The following RBM34 variants were observed in gnomAD, a reference collection of about 807,000 sequenced individuals.
RBM34 encodes RNA binding motif protein 34.
Under a neutral mutation model 44.6 loss-of-function variants are expected in RBM34, and 39 were observed. The observed-to-expected ratio is 0.87, with a 90% confidence interval of 0.68 to 1.14. The LOEUF (loss-of-function observed/expected upper bound fraction) is 1.14, where lower values mean the gene tolerates loss of function less well. Ranked by LOEUF, RBM34 falls within the 50% of genes most tolerant of loss-of-function variation. The pLI is 0.00. For synonymous variants in RBM34, 194 were observed against 184.0 expected (o/e 1.05, Z -0.44); for missense variants, 572 against 517.9 (o/e 1.10, Z -1.01).
chr1:235,140,850 T>C (rs1233659442), intron 6 of RBM34, among the ~76,000 whole-genome samples: 3 of 152,036 alleles, frequency 2.0e-5, no homozygotes, highest in African/African-American at 7.3e-5. Flanking sequence ...GGTCTGTGAA[T>C]GCACCAATCG....
At chr1:235,143,428 C>G (rs1558141750) in intron 6 of RBM34, among the ~76,000 whole-genome samples, 1 of 152,152 alleles carries the variant, frequency 6.6e-6, no homozygotes, top group Non-Finnish European at 1.5e-5. Flanking sequence ...CTGAAATAAC[C>G]TGAATGTTCA....
intron 4 of RBM34, among the ~76,000 whole-genome samples, chr1:235,154,107 G>A (rs904611599): frequency 2.2e-4 from 33 of 152,016 alleles, no homozygotes; most frequent in African/African-American, 6.0e-4. Context: ...TTAGCTGGGC[G>A]TGGTGGCGGG....
chr1:235,141,188 G>A (rs1661669435), intron 6 of RBM34, among the ~76,000 whole-genome samples: 1 of 151,332 alleles, frequency 6.6e-6, no homozygotes, highest in African/African-American at 2.4e-5. Flanking sequence ...TCGACACTCT[G>A]TATCTAGCTG....
intron 6 of RBM34, among the ~76,000 whole-genome samples, chr1:235,142,180 G>T (rs1661711423): frequency 1.3e-5 from 2 of 152,182 alleles, no homozygotes; most frequent in South Asian, 4.1e-4. Context: ...AAAAAGCCCT[G>T]ATCAGGTGCA....
At chr1:235,137,001 G>A (rs888789115) in intron 8 of RBM34, among the ~76,000 whole-genome samples, 1 of 151,626 alleles carries the variant, frequency 6.6e-6, no homozygotes, top group Non-Finnish European at 1.5e-5. Flanking sequence ...TTTTCCCCCC[G>A]CTTCTCCACA....
At chr1:235,151,179 A>C (rs1404303424) in intron 5 of RBM34, among the ~76,000 whole-genome samples, 1 of 152,192 alleles carries the variant, frequency 6.6e-6, no homozygotes, top group Non-Finnish European at 1.5e-5. Context: ...ACAGTTGAAA[A>C]ACGGACAGGA....
In RBM34 at chr1:235,154,847, A is replaced by C. The variant is rs1037580542; in HGVS notation, c.597+34T>G. 10 of 1,525,048 alleles carry C rather than the reference A, an allele frequency of 6.6e-6. No individual in the cohort carries two copies. The African/African-American group carries it at 1.2e-4, about 19-fold the overall frequency. The allele number at this position is 1,525,048 out of a possible 1,614,324, so 94.5% of individuals were successfully genotyped here. ...TCAACACAGGAAGAACAAAGTTATT[A>C]ACTTCTCTGAACTTTTACCATATAC... On this transcript the variant is annotated intron_variant, in intron 4 of 10. Transcript: ENST00000408888.
intron 4 of RBM34, among the ~76,000 whole-genome samples, chr1:235,154,621 A>C (rs1662315740): frequency 1.3e-5 from 2 of 152,202 alleles, no homozygotes. Flanking sequence ...TTCTAGTGGC[A>C]TATAACAGGA....
chr1:235,136,363 T>G (rs920451050), intron 8 of RBM34, among the ~76,000 whole-genome samples: 2 of 152,228 alleles, frequency 1.3e-5, no homozygotes, highest in African/African-American at 4.8e-5. Context: ...AAGGGCCAGA[T>G]AGCAAATATT....
chr1:235,140,374 C>T (rs1052909021), intron 6 of RBM34, among the ~76,000 whole-genome samples: 1 of 152,110 alleles, frequency 6.6e-6, no homozygotes, highest in Non-Finnish European at 1.5e-5. Flanking sequence ...GCCCCGCACT[C>T]GGAGCAGCCG....
chr1:235,135,110 T>G lies in RBM34; in HGVS notation c.1008+542A>C, dbSNP rs970518218. Among the ~76,000 whole-genome samples the G allele has an allele frequency of 7.0e-4, 100 of 143,820 alleles. 6 individuals are homozygous for G. The highest frequency in any genetic ancestry group is 2.6e-3 in the African/African-American group (99 of 37,908). 94.4% of individuals were successfully genotyped at this position (143,820 alleles called of 152,430 possible). Reference sequence around the variant, plus strand: ...CCCAGGCTGGAGTGCAGTGGTGTGATCTCGGCTCAATGAAACCTCTGCCTC... The same window carrying G: ...CCCAGGCTGGAGTGCAGTGGTGTGAGCTCGGCTCAATGAAACCTCTGCCTC... On this transcript the variant is annotated intron_variant, in intron 10 of 10. Coordinates refer to ENST00000408888, the MANE Select transcript of RBM34 (RefSeq NM_015014.4).
Position 235,160,883 on chromosome 1 carries a change from A to T in RBM34, c.228+10T>A, listed in dbSNP as rs1290242012. 1 of 1,613,074 alleles carries T rather than the reference A, an allele frequency of 6.2e-7. No homozygotes were observed. Among genetic ancestry groups the T allele is most frequent in the South Asian group, 1.1e-5 (1 of 91,054 alleles). ...AACGAGCTATTCGGGAAGAAAGCCC[A>T]GTGACTTACTTTAGGCACAGGCACG... On this transcript the variant is annotated intron_variant, in intron 2 of 10. Coordinates refer to ENST00000408888, the MANE Select transcript of RBM34 (RefSeq NM_015014.4).
intron 6 of RBM34, among the ~76,000 whole-genome samples, chr1:235,140,316 CG>C (rs986589488): frequency 1.3e-5 from 2 of 152,162 alleles, no homozygotes; most frequent in African/African-American, 4.8e-5. Context: ...CAGGGCTGCG[CG>C]GCGCTTGCGG....
Position 235,160,846 on chromosome 1 carries a change from G to GT in RBM34, c.228+46dup, listed in dbSNP as rs770024049. 6 of 1,601,636 alleles carry GT rather than the reference G, an allele frequency of 3.7e-6. No individual in the cohort carries two copies. The African/African-American group carries it at 8.1e-5, about 22-fold the overall frequency. On this transcript the variant is annotated intron_variant, in intron 2 of 10. Transcript: ENST00000408888. The stretch of plus-strand genomic sequence containing the variant: ...GGTAGGTAAGAAGATTGCTTTGTAT[G>GT]TAAGTGGTTCTAACGAGCTATTCGG...
intron 6 of RBM34, 68 bp from the exon 7 acceptor site, chr1:235,138,242 C>A (rs1572145608): frequency 7.5e-7 from 1 of 1,330,754 alleles, no homozygotes; most frequent in East Asian, 2.4e-5. Flanking sequence ...CTCAAAGTCA[C>A]TAGAAAAAAA....
At chr1:235,135,609 A>T (rs769768106) in intron 10 of RBM34, 43 bp downstream of exon 10, 3 of 1,477,734 alleles carry the variant, frequency 2.0e-6, no homozygotes, top group Admixed American at 3.4e-5. Flanking sequence ...AATGCCTCCC[A>T]GGGCACTTCG....
At chr1:235,156,669 T>A in intron 3 of RBM34, 1 of 460,652 alleles carries the variant, frequency 2.2e-6, no homozygotes, top group Non-Finnish European at 4.5e-6. Flanking sequence ...TGAGCATCAA[T>A]CTGAAAGGAG....
At chr1:235,153,098 G>A (rs961050234) in intron 4 of RBM34, among the ~76,000 whole-genome samples, 1 of 152,082 alleles carries the variant, frequency 6.6e-6, no homozygotes, top group African/African-American at 2.4e-5. Context: ...TCAAACTCCT[G>A]ACCTCAGGTG....
chr1:235,150,511 GA>G (rs933838159), intron 5 of RBM34, among the ~76,000 whole-genome samples: 4 of 152,128 alleles, frequency 2.6e-5, no homozygotes, highest in Non-Finnish European at 5.9e-5. Flanking sequence ...GCCACATACT[GA>G]AAAATACTTT....
Sources: allele counts gnomAD v4.1 joint callset (sites outside exome capture counted in the v4.1 genomes callset), GRCh38; gene constraint gnomAD v4.1.1; transcripts MANE v1.5; gene names NCBI Gene and HGNC (gene_info 2026-07-23, HGNC 2026-07-21).